Variants in FMN1 observed in about 807,000 individuals in gnomAD.
The protein encoded by FMN1 is formin-1.
FMN1 carries 110 observed loss-of-function variants against 132.4 expected under a neutral mutation model. The observed-to-expected ratio is 0.83, with a 90% CI of 0.71 to 0.97. The LOEUF (loss-of-function observed/expected upper bound fraction) is 0.97. Ranked by LOEUF, FMN1 falls within the 50% of genes least tolerant of loss-of-function variation. The pLI is 0.00. For synonymous variants in FMN1, 722 were observed against 651.7 expected, an observed-to-expected ratio of 1.11 and a Z score of -1.64; for missense variants, 1,792 against 1,705.3, an observed-to-expected ratio of 1.05 and a Z score of -0.90.
intron 17 of FMN1, among the ~76,000 whole-genome samples, chr15:32,814,974 G>C (rs185702945): frequency 2.0e-5 from 3 of 151,970 alleles, no homozygotes; most frequent in African/African-American, 7.3e-5. Flanking sequence ...ACAGAGTCTC[G>C]CTCTGTCGCC....
chr15:33,091,663 C>A (rs183966969), intron 4 of FMN1, among the ~76,000 whole-genome samples: 19 of 152,182 alleles, frequency 1.2e-4, no homozygotes, highest in Non-Finnish European at 2.5e-4. Flanking sequence ...ATTCTGACGA[C>A]CACAATGTAT....
chr15:32,823,152 G>GTTTTTTTTTTTTTTTT (rs373185751), intron 17 of FMN1, among the ~76,000 whole-genome samples: 1 of 86,230 alleles, frequency 1.2e-5, no homozygotes, highest in African/African-American at 5.3e-5. Flanking sequence ...AGTTTCTACT[G>GTTTTTTTTTTTTTTTT]TTTTTTTTTT....
intron 6 of FMN1, among the ~76,000 whole-genome samples, chr15:33,037,502 T>C (rs530649421): frequency 5.3e-5 from 8 of 152,266 alleles, no homozygotes; most frequent in African/African-American, 1.7e-4. Context: ...CAGGCTCATA[T>C]ATGAGGGAAC....
At chr15:33,072,320 G>GT (rs1427606832) in intron 5 of FMN1, among the ~76,000 whole-genome samples, 3 of 152,160 alleles carry the variant, frequency 2.0e-5, no homozygotes, top group Non-Finnish European at 2.9e-5. Context: ...AACTTTTCCT[G>GT]TAAGTGGATT....
rs138388430 is a variant in FMN1 at position 33,128,476 on chromosome 15, A to T, written c.1867+24572T>A. On this transcript the variant is annotated intron_variant, in intron 4 of 20. Transcript: ENST00000616417. ...CTATGACATTGCAAGGTCCATTTAT[A>T]AAAAGCCTCATGCAAGTTCTCAGAG... Among the ~76,000 whole-genome samples the T allele has an allele frequency of 1.6e-4, 25 of 152,328 alleles. No homozygotes were observed. In the East Asian group the frequency reaches 4.8e-3, roughly 29 times the overall value.
chr15:32,965,377 G>A (rs1174855879), intron 8 of FMN1, among the ~76,000 whole-genome samples: 2 of 152,052 alleles, frequency 1.3e-5, no homozygotes, highest in Non-Finnish European at 2.9e-5. Flanking sequence ...TCCAGCCTGG[G>A]TAACAGAACA....
chr15:32,849,928 A>T (rs1423273773), intron 17 of FMN1, among the ~76,000 whole-genome samples: 1 of 152,238 alleles, frequency 6.6e-6, no homozygotes, highest in African/African-American at 2.4e-5. Flanking sequence ...AAGTGCAGGG[A>T]TTACAGGCTT....
chr15:32,783,132 T>A (rs1595898778), intron 19 of FMN1, among the ~76,000 whole-genome samples: 1 of 151,868 alleles, frequency 6.6e-6, no homozygotes, highest in Admixed American at 6.6e-5. Context: ...CACAAATCCA[T>A]GTACCTCCTG....
At chr15:32,830,612 A>G (rs1278207179) in intron 17 of FMN1, among the ~76,000 whole-genome samples, 1 of 152,228 alleles carries the variant, frequency 6.6e-6, no homozygotes, top group Admixed American at 6.5e-5. Flanking sequence ...AAAGTGTGAA[A>G]TAGACATCTT....
intron 4 of FMN1, among the ~76,000 whole-genome samples, chr15:33,122,007 G>A (rs1427969861): frequency 2.0e-5 from 3 of 152,108 alleles, no homozygotes; most frequent in South Asian, 2.1e-4. Flanking sequence ...ATATGAAGAG[G>A]ACACGATCTC....
Position 33,070,702 on chromosome 15 carries a change from C to T in FMN1, c.2044-5628G>A, listed in dbSNP as rs2037965454. 3.9e-5 allele frequency among the ~76,000 whole-genome samples: 6 copies of T among 152,130 alleles called. 1 individual carries two copies. The South Asian group carries it at 1.2e-3, about 32-fold the overall frequency. On this transcript the variant is annotated intron_variant, in intron 5 of 20. Transcript: ENST00000616417. ...TAGGCCCATTTTTAAAGGTAAGCAA[C>T]CATAGCTGAGAGAAGGTAACTTGCC...
At chr15:32,813,337 C>G (rs571083380) in intron 17 of FMN1, among the ~76,000 whole-genome samples, 1 of 152,120 alleles carries the variant, frequency 6.6e-6, no homozygotes, top group Non-Finnish European at 1.5e-5. Flanking sequence ...TATCAAGTCA[C>G]AGTTCTAGGA....
At chr15:33,072,884 C>A (rs1336932618) in intron 5 of FMN1, among the ~76,000 whole-genome samples, 3 of 150,074 alleles carry the variant, frequency 2.0e-5, no homozygotes, top group Non-Finnish European at 4.4e-5. Flanking sequence ...GATGCACCCC[C>A]TGCACTCCAG....
chr15:32,963,485 T>TA (rs1325407918), intron 9 of FMN1, among the ~76,000 whole-genome samples: 2 of 151,366 alleles, frequency 1.3e-5, no homozygotes, highest in South Asian at 2.1e-4. Flanking sequence ...CCCTAAAACT[T>TA]AAAGTATAAT....
rs187645740 is a variant in FMN1, at chr15:33,146,875, A to T, written c.1867+6173T>A. Among the ~76,000 whole-genome samples, 4 of 152,256 alleles carry T rather than the reference A, an allele frequency of 2.6e-5. No homozygotes were observed. The East Asian group carries it at 7.7e-4, about 29-fold the overall frequency. On this transcript the variant is annotated intron_variant, in intron 4 of 20. Coordinates refer to ENST00000616417, the MANE Select transcript of FMN1 (RefSeq NM_001277313.2). Reference sequence around the variant, plus strand: ...TGTTTTCAAAAAGTGCTTTCTCAGGATTCCCTAAGAAATAAAACAAAACAG... The same window carrying T: ...TGTTTTCAAAAAGTGCTTTCTCAGGTTTCCCTAAGAAATAAAACAAAACAG...
intron 17 of FMN1, among the ~76,000 whole-genome samples, chr15:32,832,092 G>C (rs2058516818): frequency 6.6e-6 from 1 of 152,134 alleles, no homozygotes; most frequent in Non-Finnish European, 1.5e-5. Context: ...GGCTTTGAAT[G>C]TTTTAAAAAC....
At chr15:32,851,742 AGGATAAACGCATCATCTCCATCTGAGTGT>A in intron 17 of FMN1, among the ~76,000 whole-genome samples, 1 of 152,234 alleles carries the variant, frequency 6.6e-6, no homozygotes, top group Non-Finnish European at 1.5e-5. Context: ...AAAAGACATA[AGGATAAACGCATCATCTCCATCTGAGTGT>A]GGCAACAGGA....
intron 4 of FMN1, among the ~76,000 whole-genome samples, chr15:33,124,779 G>T (rs1361996645): frequency 6.6e-6 from 1 of 151,532 alleles, no homozygotes; most frequent in African/African-American, 2.4e-5. Flanking sequence ...CTTAATTTTG[G>T]ATTTTGTTTT....
chr15:32,913,838 GGTATAATTATACCATAC>G (rs1403766428), intron 10 of FMN1, among the ~76,000 whole-genome samples: 1 of 152,038 alleles, frequency 6.6e-6, no homozygotes, highest in African/African-American at 2.4e-5. Context: ...GATGTTTGTG[GGTATAATTATACCATAC>G]GACTCCTGAA....
Sources: allele counts gnomAD v4.1 joint callset (sites outside exome capture counted in the v4.1 genomes callset), GRCh38; gene constraint gnomAD v4.1.1; transcripts MANE v1.5; gene names NCBI Gene and HGNC (gene_info 2026-07-23, HGNC 2026-07-21).